The following DCAF6 variants were observed in gnomAD, a reference collection of about 807,000 sequenced individuals.
The protein encoded by DCAF6 is DDB1- and CUL4-associated factor 6.
Under a neutral mutation model 125.1 loss-of-function variants are expected in DCAF6, and 54 were observed. The ratio of observed to expected loss-of-function variants is 0.43; its 90% CI spans 0.35 to 0.54. The LOEUF is 0.54. DCAF6 is among the 20% of genes least tolerant of loss of function. The pLI is 0.01. For synonymous variants in DCAF6, 371 were observed against 390.4 expected (o/e 0.95, Z 0.58); for missense variants, 934 against 1,161.7 (o/e 0.80, Z 2.85).
chr1:167,887,367 T>C, the DCAF6 span, among the ~76,000 whole-genome samples: 1 of 152,168 alleles, frequency 6.6e-6, no homozygotes, highest in African/African-American at 2.4e-5. Flanking sequence ...TATGCACCCA[T>C]AAAAAGGATG....
At chr1:168,038,612 G>A in intron 13 of DCAF6, 124 bp downstream of exon 13, 1 of 620,290 alleles carries the variant, frequency 1.6e-6, no homozygotes, top group Non-Finnish European at 2.7e-6. Flanking sequence ...TCAAACTTGA[G>A]TGTGCTTCAG....
chr1:167,997,310 T>C (rs1018374079), intron 7 of DCAF6, among the ~76,000 whole-genome samples: 8 of 152,256 alleles, frequency 5.3e-5, no homozygotes, highest in East Asian at 1.9e-4. Context: ...GATTCTATTA[T>C]ATTGTTTTAA....
chr1:167,985,513 GCCTTGTTTTGCTCAGTAAGAC>G (rs1679874476), intron 4 of DCAF6, among the ~76,000 whole-genome samples: 1 of 151,888 alleles, frequency 6.6e-6, no homozygotes, highest in Non-Finnish European at 1.5e-5. Flanking sequence ...TGACTCTCCT[GCCTTGTTTTGCTCAGTAAGAC>G]CCTTGTAATT....
chr1:167,904,621 C>T, the DCAF6 span: 2 of 519,996 alleles, frequency 3.8e-6, no homozygotes, highest in East Asian at 3.0e-5. Context: ...GAAGAGGTGG[C>T]AAGTTTATTA....
At chr1:167,998,424 A>G (rs1449977915) in intron 7 of DCAF6, among the ~76,000 whole-genome samples, 2 of 152,092 alleles carry the variant, frequency 1.3e-5, no homozygotes, top group Non-Finnish European at 2.9e-5. Flanking sequence ...CAGTTTCTTG[A>G]AATAAGACAT....
At chr1:167,912,638 C>G in the DCAF6 span, among the ~76,000 whole-genome samples, 1 of 152,230 alleles carries the variant, frequency 6.6e-6, no homozygotes, top group Admixed American at 6.5e-5. Flanking sequence ...TGGAGCCCCC[C>G]TCCCTCTGTC....
chr1:167,939,864 T>C (rs1671964407), intron 1 of DCAF6, among the ~76,000 whole-genome samples: 1 of 152,268 alleles, frequency 6.6e-6, no homozygotes, highest in African/African-American at 2.4e-5. Flanking sequence ...TAGATTCCTT[T>C]TTTAAAAGAC....
the DCAF6 span, among the ~76,000 whole-genome samples, chr1:167,884,076 C>T: frequency 6.6e-6 from 1 of 152,162 alleles, no homozygotes; most frequent in African/African-American, 2.4e-5. Context: ...TATTCATCCC[C>T]TCAAGCATTT....
chr1:168,067,432 T>C (rs572278585), intron 20 of DCAF6, among the ~76,000 whole-genome samples: 5 of 150,718 alleles, frequency 3.3e-5, no homozygotes, highest in Admixed American at 3.3e-4. Context: ...GTAAATGGGG[T>C]AGATAGGATG....
the DCAF6 span, among the ~76,000 whole-genome samples, chr1:167,864,620 A>G: frequency 6.6e-6 from 1 of 152,194 alleles, no homozygotes; most frequent in Non-Finnish European, 1.5e-5. Context: ...ACAGAAAGTC[A>G]AAGAGAGAAA....
chr1:168,026,123 C>T (rs1686309770), intron 12 of DCAF6, among the ~76,000 whole-genome samples: 1 of 152,168 alleles, frequency 6.6e-6, no homozygotes, highest in Non-Finnish European at 1.5e-5. Context: ...TAGTAAGTCT[C>T]CTCTTTTTCT....
the DCAF6 span, among the ~76,000 whole-genome samples, chr1:167,869,246 G>C: frequency 1.3e-5 from 2 of 152,120 alleles, no homozygotes; most frequent in Middle Eastern, 3.2e-3. Flanking sequence ...CTGCTCCCTT[G>C]CTTGCTGCCT....
the DCAF6 span, chr1:167,920,131 C>A: frequency 3.3e-6 from 4 of 1,216,546 alleles, no homozygotes; most frequent in South Asian, 1.3e-5. Flanking sequence ...ATACATACTG[C>A]TTCAATAACT....
intron 1 of DCAF6, among the ~76,000 whole-genome samples, chr1:167,938,260 G>T (rs1671649357): frequency 1.7e-5 from 2 of 117,176 alleles, no homozygotes; most frequent in East Asian, 2.0e-4. Context: ...AAATGCTGGG[G>T]TGTGTGTGTG....
At chr1:167,908,842 C>G in the DCAF6 span, among the ~76,000 whole-genome samples, 1 of 152,154 alleles carries the variant, frequency 6.6e-6, no homozygotes, top group Non-Finnish European at 1.5e-5. Flanking sequence ...TTAACAAAAT[C>G]AAATGCATAA....
chr1:167,953,155 A>T (rs1674243688), intron 2 of DCAF6, among the ~76,000 whole-genome samples: 1 of 151,996 alleles, frequency 6.6e-6, no homozygotes, highest in South Asian at 2.1e-4. Flanking sequence ...TTTGTTTTAA[A>T]ATGTCTTTTT....
chr1:167,885,925 T>G, the DCAF6 span, among the ~76,000 whole-genome samples: 1 of 152,058 alleles, frequency 6.6e-6, no homozygotes, highest in Non-Finnish European at 1.5e-5. Flanking sequence ...TATTCAGACC[T>G]TTTACCCATT....
chr1:168,068,024 G>A (rs1692565961), intron 20 of DCAF6, among the ~76,000 whole-genome samples: 1 of 151,998 alleles, frequency 6.6e-6, no homozygotes, highest in Non-Finnish European at 1.5e-5. Context: ...TCTCCTATAG[G>A]GAAAACAAGG....
Position 167,941,938 on chromosome 1 carries a change from A to G in DCAF6, c.97+4930A>G, listed in dbSNP as rs897500265. Reference sequence around the variant, plus strand: ...TTCCAAAGTAATTCTACCATACTGCATTCCCACCAGCAGTATATGAGAGTT... The same window carrying G: ...TTCCAAAGTAATTCTACCATACTGCGTTCCCACCAGCAGTATATGAGAGTT... On this transcript the variant is annotated intron_variant, in intron 1 of 21. Coordinates refer to ENST00000367840, the MANE Select transcript of DCAF6 (RefSeq NM_001198956.2). Among the ~76,000 whole-genome samples the G allele has an allele frequency of 5.9e-5, 9 of 152,350 alleles. No individual in the cohort carries two copies. The South Asian group carries it at 1.9e-3, about 32-fold the overall frequency.
Sources: allele counts gnomAD v4.1 joint callset (sites outside exome capture counted in the v4.1 genomes callset), GRCh38; gene constraint gnomAD v4.1.1; transcripts MANE v1.5; gene names NCBI Gene and HGNC (gene_info 2026-07-23, HGNC 2026-07-21).